DLGAP1: variants seen among roughly 807,000 people sequenced by gnomAD.
DLGAP1 encodes DLG associated protein 1, also known as disks large-associated protein 1.
A neutral mutation model predicts 90.8 loss-of-function variants in DLGAP1; 11 were observed. The observed-to-expected ratio is 0.12, with a 90% confidence interval of 0.08 to 0.20. DLGAP1 has a LOEUF of 0.20. Ranked by LOEUF, DLGAP1 falls within the 10% of genes least tolerant of loss-of-function variation. DLGAP1 has a pLI of 1.00. For synonymous variants in DLGAP1, 558 were observed against 540.7 expected, an observed-to-expected ratio of 1.03 and a Z score of -0.44; for missense variants, 1,050 against 1,333.8, an observed-to-expected ratio of 0.79 and a Z score of 3.31.
intron 1 of DLGAP1, among the ~76,000 whole-genome samples, chr18:4,390,757 C>A (rs2082324739): frequency 6.6e-6 from 1 of 152,202 alleles, no homozygotes; most frequent in Non-Finnish European, 1.5e-5. Flanking sequence ...TGGAAGACAT[C>A]TTGGTTGCCT....
intron 7 of DLGAP1, among the ~76,000 whole-genome samples, chr18:3,707,206 C>T (rs574504576): frequency 6.6e-6 from 1 of 152,198 alleles, no homozygotes; most frequent in East Asian, 1.9e-4. Flanking sequence ...CTCATTGTAC[C>T]TCTACGCTCT....
intron 10 of DLGAP1, among the ~76,000 whole-genome samples, chr18:3,532,926 T>C (rs1453823179): frequency 6.6e-6 from 1 of 152,264 alleles, no homozygotes; most frequent in African/African-American, 2.4e-5. Context: ...CAACTGTTAA[T>C]ATAATTTGAC....
At chr18:3,932,857 T>A (rs2072548996) in intron 3 of DLGAP1, among the ~76,000 whole-genome samples, 2 of 152,142 alleles carry the variant, frequency 1.3e-5, no homozygotes, top group South Asian at 4.2e-4. Context: ...TCAGCTTAGA[T>A]AATATGCTCC....
intron 7 of DLGAP1, among the ~76,000 whole-genome samples, chr18:3,583,211 T>TTCCTTCCC (rs2055669014): frequency 6.8e-6 from 1 of 146,496 alleles, no homozygotes; most frequent in African/African-American, 2.5e-5. Context: ...CCTTCCTTCC[T>TTCCTTCCC]TCCCTCCTCC....
intron 6 of DLGAP1, 148 bp downstream of exon 6, chr18:3,742,187 C>T: frequency 9.8e-7 from 1 of 1,017,450 alleles, no homozygotes; most frequent in African/African-American, 1.6e-5. Context: ...CCATGGCATG[C>T]TCTTTGCAGC....
intron 7 of DLGAP1, among the ~76,000 whole-genome samples, chr18:3,633,091 C>G (rs2058582076): frequency 6.6e-6 from 1 of 152,126 alleles, no homozygotes; most frequent in Admixed American, 6.6e-5. Flanking sequence ...TCTACCTACT[C>G]TAGGTACCAT....
chr18:3,547,301 CAAAAAAAA>C (rs765095049), intron 9 of DLGAP1, among the ~76,000 whole-genome samples: 2 of 45,422 alleles, frequency 4.4e-5, no homozygotes, highest in South Asian at 7.7e-4. Context: ...GACTCCGTCT[CAAAAAAAA>C]AAAAAAAAAA....
chr18:3,998,932 C>A (rs2074124657), intron 3 of DLGAP1, among the ~76,000 whole-genome samples: 1 of 152,112 alleles, frequency 6.6e-6, no homozygotes, highest in Non-Finnish European at 1.5e-5. Context: ...GCTGTTCTGC[C>A]ACCTACTGGA....
In DLGAP1 at chr18:4,235,109, A is replaced by T. The variant is rs924792999; in HGVS notation, c.-266-83822T>A. 1.3e-4 allele frequency among the ~76,000 whole-genome samples: 20 copies of T among 152,000 alleles called. No individual in the cohort carries two copies. The South Asian group carries it at 4.2e-3, about 32-fold the overall frequency. On this transcript the variant is annotated intron_variant, in intron 1 of 12. Coordinates refer to ENST00000315677, the MANE Select transcript of DLGAP1 (RefSeq NM_004746.4). The stretch of plus-strand genomic sequence containing the variant: ...ACAATATTTTTGTCTCTCTTCGAAC[A>T]CCCTACTCAAACCTGTTTTCCAGCT...
chr18:4,335,221 T>C (rs1274756104), intron 1 of DLGAP1, among the ~76,000 whole-genome samples: 2 of 151,852 alleles, frequency 1.3e-5, no homozygotes, highest in African/African-American at 2.4e-5. Context: ...AATAAAGACA[T>C]TTATGTGGTT....
chr18:3,914,040 T>TTTA (rs150648079), intron 3 of DLGAP1, among the ~76,000 whole-genome samples: 4,358 of 152,240 alleles, frequency 0.029, 203 homozygotes, highest in African/African-American at 0.096. Flanking sequence ...CATAGGTAAT[T>TTTA]TTATTTTATT....
intron 7 of DLGAP1, among the ~76,000 whole-genome samples, chr18:3,702,759 T>A (rs1050563035): frequency 7.9e-5 from 12 of 152,100 alleles, no homozygotes; most frequent in African/African-American, 2.9e-4. Flanking sequence ...GAGGAATAAG[T>A]AACAACTGAA....
intron 1 of DLGAP1, among the ~76,000 whole-genome samples, chr18:4,247,022 C>T (rs1159115989): frequency 6.6e-5 from 10 of 151,868 alleles, no homozygotes; most frequent in Non-Finnish European, 1.0e-4. Flanking sequence ...TAAAATGCTT[C>T]GGTTATGTTT....
chr18:4,360,835 C>T (rs1450388564), intron 1 of DLGAP1, among the ~76,000 whole-genome samples: 1 of 152,070 alleles, frequency 6.6e-6, no homozygotes, highest in Non-Finnish European at 1.5e-5. Context: ...AAAAAATTAG[C>T]CAGGCATGGT....
intron 1 of DLGAP1, among the ~76,000 whole-genome samples, chr18:4,227,335 C>T (rs2078212687): frequency 6.6e-6 from 1 of 151,634 alleles, no homozygotes; most frequent in African/African-American, 2.4e-5. Flanking sequence ...ACTTAATCTG[C>T]ACCTAGACCA....
intron 8 of DLGAP1, among the ~76,000 whole-genome samples, chr18:3,569,288 C>T (rs2087711351): frequency 6.6e-6 from 1 of 151,956 alleles, no homozygotes; most frequent in African/African-American, 2.4e-5. Flanking sequence ...GCGTGAGCCA[C>T]CGCACCTGGA....
chr18:4,418,212 G>A (rs1287636340), intron 1 of DLGAP1, among the ~76,000 whole-genome samples: 1 of 152,132 alleles, frequency 6.6e-6, no homozygotes, highest in Non-Finnish European at 1.5e-5. Context: ...GGAAAGGCAT[G>A]TCCACTACTA....
At chr18:3,947,844 A>AG (rs905835297) in intron 3 of DLGAP1, among the ~76,000 whole-genome samples, 27 of 143,862 alleles carry the variant, frequency 1.9e-4, no homozygotes, top group African/African-American at 7.1e-4. Flanking sequence ...AGAATCCAGG[A>AG]GATCAGGGCC....
intron 4 of DLGAP1, among the ~76,000 whole-genome samples, chr18:3,816,993 T>C (rs1419187145): frequency 6.6e-6 from 1 of 152,232 alleles, no homozygotes; most frequent in Non-Finnish European, 1.5e-5. Flanking sequence ...TCTCAGGAAA[T>C]TATAAATGCT....
Sources: gnomAD v4.1 joint callset for allele counts (sites outside exome capture counted in the v4.1 genomes callset) on GRCh38, gnomAD v4.1.1 for gene constraint, MANE v1.5 for transcripts, NCBI Gene and HGNC (gene_info 2026-07-23, HGNC 2026-07-21) for gene names.